The following CFAP47 variants were observed in gnomAD, a reference collection of about 807,000 sequenced individuals.
CFAP47 encodes the protein cilia- and flagella-associated protein 47.
CFAP47 carries 29 observed loss-of-function variants against 148.1 expected under a neutral mutation model. The observed-to-expected ratio is 0.20, with a 90% confidence interval of 0.15 to 0.27. CFAP47 has a LOEUF of 0.27. Ranked by LOEUF, CFAP47 falls within the 10% of genes least tolerant of loss-of-function variation. The pLI is 1.00. For missense variants in CFAP47, 1,872 were observed against 1,697.5 expected (o/e 1.10, Z -1.81); for synonymous variants, 664 against 577.3 (o/e 1.15, Z -2.15).
chrX:36,088,603 C>T (rs1318719198), intron 30 of CFAP47, among the ~76,000 whole-genome samples: 1 of 110,531 alleles, frequency 9.0e-6, no homozygotes, highest in African/African-American at 3.3e-5. Flanking sequence ...GGAAAAGAGG[C>T]CTCACCTAGA....
intron 33 of CFAP47, among the ~76,000 whole-genome samples, chrX:36,121,712 T>A (rs1332887457): frequency 9.0e-6 from 1 of 111,592 alleles, no homozygotes. Flanking sequence ...TTATTGTTTC[T>A]TTTTATATTG....
At chrX:36,369,217 A>T (rs1356715300) in intron 62 of CFAP47, among the ~76,000 whole-genome samples, 3 of 111,152 alleles carry the variant, frequency 2.7e-5, no homozygotes, top group East Asian at 5.6e-4. Flanking sequence ...AAATTCTATG[A>T]TATACAATTA....
intron 42 of CFAP47, among the ~76,000 whole-genome samples, chrX:36,193,196 T>G (rs1555986753): frequency 2.7e-5 from 3 of 111,945 alleles, no homozygotes. Context: ...TATTTAAATA[T>G]TTTCCAAGAA....
Position 36,384,882 on chromosome X carries a change from C to T in CFAP47, c.9440C>T (p.Ala3147Val). The T allele has an allele frequency of 8.6e-7, 1 of 1,165,988 alleles. No individual in the cohort carries two copies. The highest frequency in any genetic ancestry group is 1.1e-6 in the Non-Finnish European group (1 of 871,283). ...PPKNAKAKID[A>V]THKTHDNMPV... is the part of the protein sequence containing the mutation. Reference sequence around the variant, plus strand: ...AAAAATGCAAAAGCCAAAATTGATGCTACTCACAAGACACATGACAACATG... The same window carrying T: ...AAAAATGCAAAAGCCAAAATTGATGTTACTCACAAGACACATGACAACATG... Residue 3147 changes from alanine to valine, a missense_variant, in exon 64 of 64, where the codon GCT becomes GTT. Transcript: ENST00000378653.
At chrX:36,005,591 TCTATGTAGGTTATTTAA>T (rs1227899202) in intron 21 of CFAP47, among the ~76,000 whole-genome samples, 1 of 111,966 alleles carries the variant, frequency 8.9e-6, no homozygotes, top group African/African-American at 3.2e-5. Context: ...TTCATGACAC[TCTATGTAGGTTATTTAA>T]CTATGTTGCA....
At chrX:36,124,730 T>A (rs955261104) in intron 33 of CFAP47, among the ~76,000 whole-genome samples, 2 of 111,477 alleles carry the variant, frequency 1.8e-5, no homozygotes, top group African/African-American at 6.5e-5. Flanking sequence ...AAAGCCAGGT[T>A]CTGTGAGTGT....
chrX:36,069,716 G>A (rs1419619473), intron 27 of CFAP47, among the ~76,000 whole-genome samples: 1 of 111,055 alleles, frequency 9.0e-6, no homozygotes, highest in African/African-American at 3.3e-5. Flanking sequence ...ATCTGAATAT[G>A]TAGAGAGGGT....
intron 37 of CFAP47, among the ~76,000 whole-genome samples, chrX:36,155,206 T>C (rs892529345): frequency 2.7e-5 from 3 of 111,848 alleles, no homozygotes; most frequent in African/African-American, 9.8e-5. Flanking sequence ...CTGACTTTTA[T>C]GTTCTCATCT....
intron 22 of CFAP47, among the ~76,000 whole-genome samples, chrX:36,020,281 C>T (rs779464659): frequency 1.8e-5 from 2 of 111,885 alleles, no homozygotes; most frequent in Non-Finnish European, 1.9e-5. Context: ...GAATGATCCA[C>T]GTGCTGAGAA....
intron 57 of CFAP47, 93 bp downstream of exon 57, chrX:36,319,400 A>G: frequency 2.8e-6 from 1 of 351,949 alleles, no homozygotes; most frequent in East Asian, 5.9e-5. Context: ...TAAATATTTA[A>G]CACAAATTAA....
intron 34 of CFAP47, 44 bp from the exon 35 acceptor site, chrX:36,138,304 T>C (rs766281368): frequency 3.3e-5 from 35 of 1,066,942 alleles, no homozygotes; most frequent in Non-Finnish European, 4.0e-5. Context: ...AAAACAGAAT[T>C]TTTTATTCCA....
rs1941811325 is a variant in CFAP47, at chrX:36,359,590, T to A, written c.8852-1740T>A. 2.7e-5 allele frequency among the ~76,000 whole-genome samples: 3 copies of A among 111,764 alleles called. No individual in the cohort carries two copies. In the Admixed American group the frequency reaches 2.9e-4, roughly 11 times the overall value. On this transcript the variant is annotated intron_variant, in intron 60 of 63. Coordinates refer to ENST00000378653, the MANE Select transcript of CFAP47 (RefSeq NM_001304548.2). Reference sequence around the variant, plus strand: ...ATTATTCTGCATTTGTATATATATTTACTTTGCCAGTGAGATTTATACTTT... The same window carrying A: ...ATTATTCTGCATTTGTATATATATTAACTTTGCCAGTGAGATTTATACTTT...
intron 15 of CFAP47, among the ~76,000 whole-genome samples, chrX:35,979,943 A>G (rs1193706346): frequency 8.9e-6 from 1 of 112,115 alleles, no homozygotes; most frequent in African/African-American, 3.2e-5. Flanking sequence ...GTTGGTCAGA[A>G]CCTATAGCTG....
At chrX:36,216,297 TG>T (rs1308106489) in intron 45 of CFAP47, among the ~76,000 whole-genome samples, 1 of 112,093 alleles carries the variant, frequency 8.9e-6, no homozygotes, top group East Asian at 2.8e-4. Context: ...ACTAAATTTC[TG>T]ATTTCTTTCT....
At chrX:36,262,895 G>C (rs1472144617) in intron 49 of CFAP47, among the ~76,000 whole-genome samples, 1 of 111,768 alleles carries the variant, frequency 8.9e-6, no homozygotes, top group Non-Finnish European at 1.9e-5. Context: ...CCTGCCTTTT[G>C]GATATAAGCC....
intron 33 of CFAP47, among the ~76,000 whole-genome samples, chrX:36,106,494 G>A (rs901184500): frequency 1.8e-5 from 2 of 111,804 alleles, no homozygotes; most frequent in Non-Finnish European, 3.8e-5. Context: ...GTACTGGCAG[G>A]TTCTATGTCT....
Position 36,050,512 on chromosome X carries a change from G to A in CFAP47, c.4217+3449G>A, listed in dbSNP as rs1217064739. On this transcript the variant is annotated intron_variant, in intron 26 of 63. Transcript: ENST00000378653. ...GGGACTGATGGGATTTTGCCCCTGCGCTAGAGATCTGTGAAACTTTAAACT... is the reference window on the plus strand; with the variant it reads ...GGGACTGATGGGATTTTGCCCCTGCACTAGAGATCTGTGAAACTTTAAACT... Among the ~76,000 whole-genome samples, 5 of 111,562 alleles carry A rather than the reference G, an allele frequency of 4.5e-5. No individual in the cohort carries two copies. In the East Asian group the frequency reaches 1.1e-3, roughly 25 times the overall value.
Position 36,104,479 on chromosome X carries a change from GTTA to G in CFAP47, c.5128-18_5128-16del. On this transcript the variant is annotated splice_polypyrimidine_tract_variant and intron_variant, in intron 32 of 63. Transcript: ENST00000378653. ...ATTTTTCCATTTGCATCTAATAAAAGTTATCTCTCCCAATTTCAGGTTTTGGTT... is the reference window on the plus strand; with the variant it reads ...ATTTTTCCATTTGCATCTAATAAAAGTCTCTCCCAATTTCAGGTTTTGGTT... The G allele has an allele frequency of 3.2e-6, 2 of 633,663 alleles. No individual in the cohort carries two copies. Among genetic ancestry groups the G allele is most frequent in the Non-Finnish European group, 4.5e-6 (2 of 440,986 alleles). The allele number at this position is 633,663 out of a possible 1,213,427, so 52.2% of individuals were successfully genotyped here. A position where few individuals can be genotyped will look rare whatever the true frequency, so the allele number is the denominator to read the frequency against.
At chrX:36,059,314 A>T (rs1353474863) in intron 26 of CFAP47, among the ~76,000 whole-genome samples, 1 of 111,813 alleles carries the variant, frequency 8.9e-6, no homozygotes, top group African/African-American at 3.2e-5. Context: ...GAATGAAAAT[A>T]ACAATGATCT....
Sources: allele counts gnomAD v4.1 joint callset (sites outside exome capture counted in the v4.1 genomes callset), GRCh38; gene constraint gnomAD v4.1.1; transcripts MANE v1.5; gene names NCBI Gene and HGNC (gene_info 2026-07-23, HGNC 2026-07-21).